Variants in ROBO2 observed in about 807,000 individuals in gnomAD.
ROBO2 encodes roundabout guidance receptor 2.
A neutral mutation model predicts 160.8 loss-of-function variants in ROBO2; 53 were observed. That is an observed-to-expected ratio of 0.33 (90% CI 0.26 to 0.41). The LOEUF is 0.41. ROBO2 is among the 10% of genes least tolerant of loss of function. The pLI, the probability that ROBO2 is intolerant of heterozygous loss-of-function variation, is 1.00. For synonymous variants in ROBO2, 664 were observed against 611.7 expected (o/e 1.09, Z -1.26); for missense variants, 1,577 against 1,722.4 (o/e 0.92, Z 1.49).
intron 2 of ROBO2, among the ~76,000 whole-genome samples, chr3:75,972,703 A>T (rs1440439569): frequency 6.6e-6 from 1 of 151,722 alleles, no homozygotes; most frequent in African/African-American, 2.4e-5. Context: ...TGAGACATAA[A>T]TTCTTGGACC....
intron 2 of ROBO2, among the ~76,000 whole-genome samples, chr3:76,899,414 T>C (rs2075061866): frequency 6.6e-6 from 1 of 152,176 alleles, no homozygotes; most frequent in Non-Finnish European, 1.5e-5. Flanking sequence ...GATTTAAATA[T>C]GCCTCCTGCT....
At chr3:76,026,749 A>G (rs1353640626) in intron 2 of ROBO2, among the ~76,000 whole-genome samples, 4 of 151,982 alleles carry the variant, frequency 2.6e-5, no homozygotes, top group Admixed American at 6.6e-5. Context: ...CAACAGAACT[A>G]TACAAAATGT....
chr3:77,540,546 C>A (rs548636472), intron 6 of ROBO2, among the ~76,000 whole-genome samples: 29 of 149,356 alleles, frequency 1.9e-4, no homozygotes, highest in African/African-American at 6.4e-4. Flanking sequence ...GGGAGGGGAA[C>A]AATACACACT....
chr3:77,098,036 CT>C lies in ROBO2; in HGVS notation c.87del (p.Pro31ArgfsTer20). On this transcript the variant is annotated frameshift_variant, in exon 2 of 26. Coordinates refer to ENST00000461745, the Ensembl canonical transcript of ROBO2. LOFTEE classifies it high-confidence loss of function. ...TAGGATCGCGTCTTCGCCAGGAGGA[CT>C]TTCCCCCGCGGATTGTGGAGCATCC... 1 of 1,577,720 alleles carries C rather than the reference CT, an allele frequency of 6.3e-7. No homozygotes were observed. The highest frequency in any genetic ancestry group is 8.6e-7 in the Non-Finnish European group (1 of 1,156,360).
At chr3:77,270,402 A>G (rs1209097304) in intron 2 of ROBO2, among the ~76,000 whole-genome samples, 1 of 152,160 alleles carries the variant, frequency 6.6e-6, no homozygotes, top group Admixed American at 6.6e-5. Flanking sequence ...AAGTCATATA[A>G]CTATCTGGTA....
intron 2 of ROBO2, among the ~76,000 whole-genome samples, chr3:76,220,597 G>C (rs979203617): frequency 1.3e-5 from 2 of 152,114 alleles, no homozygotes; most frequent in Non-Finnish European, 2.9e-5. Context: ...ATTAATTCCT[G>C]TTCCTTATAA....
At chr3:77,339,211 C>T (rs939679083) in intron 2 of ROBO2, among the ~76,000 whole-genome samples, 10 of 151,530 alleles carry the variant, frequency 6.6e-5, no homozygotes, top group Non-Finnish European at 1.5e-4. Context: ...ATATATATTC[C>T]GTATGGTTGA....
At chr3:77,190,094 C>T (rs1302710612) in intron 2 of ROBO2, among the ~76,000 whole-genome samples, 1 of 151,832 alleles carries the variant, frequency 6.6e-6, no homozygotes, top group Non-Finnish European at 1.5e-5. Flanking sequence ...TTTGAAATGA[C>T]GTATTTGTTC....
At chr3:76,263,560 T>C (rs1706906087) in intron 2 of ROBO2, among the ~76,000 whole-genome samples, 2 of 152,088 alleles carry the variant, frequency 1.3e-5, no homozygotes, top group African/African-American at 4.8e-5. Context: ...ATAACCAATT[T>C]GAGGAGGCCT....
chr3:76,696,449 C>A (rs2092929755), intron 2 of ROBO2, among the ~76,000 whole-genome samples: 1 of 151,692 alleles, frequency 6.6e-6, no homozygotes, highest in Non-Finnish European at 1.5e-5. Flanking sequence ...GGGAGGGGAC[C>A]CAAAGGGGGT....
chr3:77,109,771 C>G (rs2073326950), intron 2 of ROBO2, among the ~76,000 whole-genome samples: 3 of 152,222 alleles, frequency 2.0e-5, no homozygotes, highest in Non-Finnish European at 4.4e-5. Flanking sequence ...TGAACGCTGG[C>G]AGCCTAGCTC....
At chr3:76,807,076 G>C (rs1033237882) in intron 2 of ROBO2, among the ~76,000 whole-genome samples, 1 of 152,020 alleles carries the variant, frequency 6.6e-6, no homozygotes, top group Non-Finnish European at 1.5e-5. Context: ...AATGGAAATA[G>C]ACTTATTTAT....
At chr3:76,057,483 GATAA>G (rs575164611) in intron 2 of ROBO2, among the ~76,000 whole-genome samples, 299 of 152,262 alleles carry the variant, frequency 2.0e-3, no homozygotes, top group African/African-American at 6.8e-3. Context: ...GTTCATGGTT[GATAA>G]ATAAGTCAGT....
intron 2 of ROBO2, among the ~76,000 whole-genome samples, chr3:77,274,763 A>G (rs2153360734): frequency 6.6e-6 from 1 of 152,228 alleles, no homozygotes; most frequent in East Asian, 1.9e-4. Flanking sequence ...GAGTTTAAAA[A>G]TCAGTACTTA....
chr3:76,634,834 G>T (rs559184486), intron 2 of ROBO2, among the ~76,000 whole-genome samples: 1 of 152,324 alleles, frequency 6.6e-6, no homozygotes, highest in South Asian at 2.1e-4. Flanking sequence ...GCAGCAGGAG[G>T]TGCGCAGCAG....
chr3:76,548,615 T>C (rs905479969), intron 2 of ROBO2, among the ~76,000 whole-genome samples: 1 of 147,890 alleles, frequency 6.8e-6, no homozygotes, highest in Non-Finnish European at 1.5e-5. Flanking sequence ...ATCACTTTTA[T>C]TCCTGGGAAC....
intron 2 of ROBO2, among the ~76,000 whole-genome samples, chr3:76,005,510 T>A (rs2107585604): frequency 6.6e-6 from 1 of 152,328 alleles, no homozygotes; most frequent in Admixed American, 6.5e-5. Context: ...TTGTATAAAA[T>A]GAATGTGCCA....
intron 2 of ROBO2, among the ~76,000 whole-genome samples, chr3:76,079,076 C>G (rs1257666868): frequency 3.3e-5 from 5 of 152,124 alleles, no homozygotes; most frequent in African/African-American, 1.2e-4. Flanking sequence ...CTCATGTTTT[C>G]ACTCATATGT....
At chr3:77,437,785 C>G (rs1055771374) in intron 2 of ROBO2, among the ~76,000 whole-genome samples, 6 of 151,838 alleles carry the variant, frequency 4.0e-5, no homozygotes, top group African/African-American at 1.5e-4. Flanking sequence ...TCAAAAGAAG[C>G]CTTCCATCAA....
Sources: allele counts gnomAD v4.1 joint callset (sites outside exome capture counted in the v4.1 genomes callset), GRCh38; gene constraint gnomAD v4.1.1; transcripts MANE v1.5; gene names NCBI Gene and HGNC (gene_info 2026-07-23, HGNC 2026-07-21).